The following RFC1 variants were observed in gnomAD, a reference collection of about 807,000 sequenced individuals.
The protein encoded by RFC1 is replication factor C subunit 1, also known as A1 140 kDa subunit.
In RFC1, 37 loss-of-function variants were observed where a neutral mutation model predicts 137.4. That is an observed-to-expected ratio of 0.27 (90% CI 0.21 to 0.35). RFC1 has a LOEUF of 0.35. RFC1 is among the 10% of genes least tolerant of loss of function. The pLI, the probability that RFC1 is intolerant of heterozygous loss-of-function variation, is 1.00. For missense variants in RFC1, 1,205 were observed against 1,358.5 expected, an observed-to-expected ratio of 0.89 and a Z score of 1.78; for synonymous variants, 429 against 455.7, an observed-to-expected ratio of 0.94 and a Z score of 0.75.
chr4:39,296,035 A>C, intron 21 of RFC1: 1 of 281,542 alleles, frequency 3.6e-6, no homozygotes. Context: ...ACTAATCTCA[A>C]CATACCGGTT....
chr4:39,288,540 C>T lies in RFC1; in HGVS notation c.*221G>A. ...CACGTCTAACTAGATTGACAGAGGA[C>T]AGTGGAGGACCCAAGCAGTCCTATC... On this transcript the variant is annotated 3_prime_UTR_variant, in exon 25 of 25. Coordinates refer to ENST00000349703, the MANE Select transcript of RFC1 (RefSeq NM_002913.5). 1 of 426,446 alleles carries T rather than the reference C, an allele frequency of 2.3e-6. No individual in the cohort carries two copies. The highest frequency in any genetic ancestry group is 3.7e-5 in the East Asian group (1 of 26,886). The allele number at this position is 426,446 out of a possible 1,614,324, so 26.4% of individuals were successfully genotyped here.
chr4:39,303,317 T>C, intron 15 of RFC1, 166 bp from the exon 16 acceptor site: 1 of 588,392 alleles, frequency 1.7e-6, no homozygotes, highest in Non-Finnish European at 3.0e-6. Context: ...AAAAAAAGAA[T>C]ATGCAGAGAA....
chr4:39,326,199 CAAAAAAT>C (rs1739755828), intron 6 of RFC1, among the ~76,000 whole-genome samples: 2 of 151,926 alleles, frequency 1.3e-5, no homozygotes, highest in African/African-American at 4.8e-5. Flanking sequence ...GACTCTGTCT[CAAAAAAT>C]AAAAAATAAA....
rs768055158 is a variant in RFC1, at chr4:39,302,589, T to C, written c.2347A>G (p.Met783Val). The part of the protein sequence containing the change: ...RPRVEQIKGA[M>V]MSIAFKEGLK... The stretch of plus-strand genomic sequence containing the variant: ...CCTTCTTTAAATGCAATAGACATCA[T>C]AGCACCCTGAAATTGACAAGGGAGG... Residue 783 changes from methionine (M) to valine (V), a missense_variant, in exon 18 of 25, where the codon ATG becomes GTG. Transcript: ENST00000349703. The C allele has an allele frequency of 1.4e-5, 23 of 1,598,582 alleles. No homozygotes were observed. Among genetic ancestry groups the C allele is most frequent in the African/African-American group, 6.7e-5 (5 of 74,176 alleles).
intron 1 of RFC1, among the ~76,000 whole-genome samples, chr4:39,363,897 AAAAAAG>A (rs1245167781): frequency 2.3e-5 from 2 of 85,830 alleles, no homozygotes; most frequent in Non-Finnish European, 2.3e-5. Context: ...AAAAAAAAAA[AAAAAAG>A]AAGAAGAAGA....
chr4:39,288,952 GAA>G (rs759300786), intron 24 of RFC1, 108 bp from the exon 25 acceptor site: 37 of 767,836 alleles, frequency 4.8e-5, no homozygotes, highest in Non-Finnish European at 7.4e-5. Flanking sequence ...AATTAAAAAA[GAA>G]GAGAGGCTGC....
chr4:39,356,661 AT>A (rs1312817114), intron 1 of RFC1, among the ~76,000 whole-genome samples: 6 of 152,186 alleles, frequency 3.9e-5, no homozygotes, highest in Admixed American at 3.9e-4. Context: ...AGTTTCTATA[AT>A]TGATTTTCTG....
intron 4 of RFC1, among the ~76,000 whole-genome samples, chr4:39,334,752 A>G (rs984232856): frequency 2.0e-5 from 3 of 152,296 alleles, no homozygotes; most frequent in South Asian, 2.1e-4. Context: ...TCCCTCTAGG[A>G]TATCTGTCTT....
Position 39,327,542 on chromosome 4 carries a change from C to A in RFC1, c.546G>T (p.Val182=). The change falls in exon 5 of 25, where the codon GTG becomes GTT. Residue 182 remains valine (V), a synonymous_variant. Transcript: ENST00000349703. ...GSVQRSNKKM[V]ASKRKELSQN... ...CACTTACCTCTTTTCTTTTGCTTGC[C>A]ACCATCTTCTTATTAGATCTTTGGA... 6.2e-7 allele frequency: 1 copy of A among 1,609,600 alleles called. No homozygotes were observed. Among genetic ancestry groups the A allele is most frequent in the South Asian group, 1.1e-5 (1 of 89,678 alleles).
chr4:39,293,529 G>A lies in RFC1; in HGVS notation c.2955-1677C>T, dbSNP rs1015844390. Among the ~76,000 whole-genome samples the A allele has an allele frequency of 4.8e-4, 73 of 152,066 alleles. 2 individuals are homozygous for A. The highest frequency in any genetic ancestry group is 1.5e-4 in the Non-Finnish European group (10 of 68,010). Reference sequence around the variant, plus strand: ...CTTCCATTTTTTAAAGAAGAGAAACGGACCTACAAAAAGTTCAGTGACTTG... The same window carrying A: ...CTTCCATTTTTTAAAGAAGAGAAACAGACCTACAAAAAGTTCAGTGACTTG... On this transcript the variant is annotated intron_variant, in intron 22 of 24. Transcript: ENST00000349703.
At chr4:39,332,278 C>A (rs1306289813) in intron 4 of RFC1, among the ~76,000 whole-genome samples, 1 of 152,158 alleles carries the variant, frequency 6.6e-6, no homozygotes, top group African/African-American at 2.4e-5. Context: ...CCTTAGCTTT[C>A]AGAGTCAGTG....
chr4:39,351,332 T>C lies in RFC1; in HGVS notation c.132+16A>G. On this transcript the variant is annotated intron_variant, in intron 2 of 24. Transcript: ENST00000349703. ...TTACATTTCATTCAATGCAAAATTATACCCAGAAAACTAACCTTGATTTCC... is the reference window on the plus strand; with the variant it reads ...TTACATTTCATTCAATGCAAAATTACACCCAGAAAACTAACCTTGATTTCC... 1 of 1,416,314 alleles carries C rather than the reference T, an allele frequency of 7.1e-7. No individual in the cohort carries two copies. The highest frequency in any genetic ancestry group is 9.3e-7 in the Non-Finnish European group (1 of 1,071,988). 87.7% of individuals were successfully genotyped at this position (1,416,314 alleles called of 1,614,324 possible).
intron 4 of RFC1, among the ~76,000 whole-genome samples, chr4:39,334,589 T>C (rs181844146): frequency 7.9e-5 from 12 of 152,334 alleles, no homozygotes; most frequent in Non-Finnish European, 1.2e-4. Context: ...TCTTGTTTTC[T>C]AATAAGCTTA....
intron 1 of RFC1, among the ~76,000 whole-genome samples, chr4:39,357,153 G>T (rs1741517157): frequency 6.6e-6 from 1 of 152,154 alleles, no homozygotes. Context: ...GCACAGAAAA[G>T]AAAGAACAGA....
chr4:39,338,535 A>G (rs1448799569), intron 4 of RFC1, among the ~76,000 whole-genome samples: 1 of 152,234 alleles, frequency 6.6e-6, no homozygotes, highest in Non-Finnish European at 1.5e-5. Context: ...CTAACCCAAT[A>G]GATCCAAATT....
Position 39,355,361 on chromosome 4 carries a change from T to C in RFC1, c.4-3885A>G, listed in dbSNP as rs1209178881. Reference sequence around the variant, plus strand: ...GGGGTGGCACTTGCGCGCCAAGAGTTTGAGGCTGCAGTGAGCCATGACCAT... The same window carrying C: ...GGGGTGGCACTTGCGCGCCAAGAGTCTGAGGCTGCAGTGAGCCATGACCAT... On this transcript the variant is annotated intron_variant, in intron 1 of 24. Transcript: ENST00000349703. 2.6e-5 allele frequency among the ~76,000 whole-genome samples: 4 copies of C among 151,234 alleles called. No individual in the cohort carries two copies. In the East Asian group the frequency reaches 7.8e-4, roughly 30 times the overall value.
At position 39,300,539 on chromosome 4, in the gene RFC1, A is replaced by G. The variant is rs1738299359; in HGVS notation, c.2536-125T>C. On this transcript the variant is annotated intron_variant, in intron 19 of 24. Transcript: ENST00000349703. ...ATTGCTGGTGGGAATGCAAAACTGT[A>G]CCGTTTGGTAGTTTCTTACAAAATT... 12 of 711,752 alleles carry G rather than the reference A, an allele frequency of 1.7e-5. No individual in the cohort carries two copies. The East Asian group carries it at 2.9e-4, about 17-fold the overall frequency. The allele number at this position is 711,752 out of a possible 1,614,324, so 44.1% of individuals were successfully genotyped here.
intron 15 of RFC1, among the ~76,000 whole-genome samples, chr4:39,303,679 C>T (rs1379044454): frequency 6.6e-6 from 1 of 152,244 alleles, no homozygotes; most frequent in South Asian, 2.1e-4. Context: ...GTCTCAAACT[C>T]CTGACCTCAG....
Position 39,303,125 on chromosome 4 carries a change from T to C in RFC1, c.2137A>G (p.Lys713Glu). The C allele has an allele frequency of 6.2e-7, 1 of 1,613,950 alleles. No homozygotes were observed. Among genetic ancestry groups the C allele is most frequent in the South Asian group, 1.1e-5 (1 of 91,088 alleles). ...ACTTCATCCATGATGAGAGCATGTT[T>C]CGTGCTTACTGAAGAGGCTGCTCCA... ...SNGAASSVST[K>E]HALIMDEVDG... Residue 713 changes from lysine to glutamate, a missense_variant, in exon 16 of 25, where the codon AAA (lysine) becomes GAA (glutamate). By Grantham distance (56) the Lys-to-Glu change is moderately conservative. Transcript: ENST00000349703.
Sources: allele counts gnomAD v4.1 joint callset (sites outside exome capture counted in the v4.1 genomes callset), GRCh38; gene constraint gnomAD v4.1.1; transcripts MANE v1.5; gene names NCBI Gene and HGNC (gene_info 2026-07-23, HGNC 2026-07-21).